GLI3: variants seen among roughly 807,000 people sequenced by gnomAD.
The protein encoded by GLI3 is GLI family zinc finger 3.
A neutral mutation model predicts 100.8 loss-of-function variants in GLI3; 20 were observed. That is an observed-to-expected ratio of 0.20 (90% CI 0.14 to 0.29). GLI3 has a LOEUF of 0.29. GLI3 is among the 10% of genes least tolerant of loss of function. The pLI is 1.00. For synonymous variants in GLI3, 938 were observed against 860.5 expected, an observed-to-expected ratio of 1.09 and a Z score of -1.58; for missense variants, 2,040 against 2,128.5, an observed-to-expected ratio of 0.96 and a Z score of 0.82.
chr7:42,058,229 A>C (rs1215394376), intron 4 of GLI3, among the ~76,000 whole-genome samples: 1 of 152,206 alleles, frequency 6.6e-6, no homozygotes. Context: ...TAGGATAGTC[A>C]GGATAATGTT....
intron 7 of GLI3, among the ~76,000 whole-genome samples, chr7:42,038,308 T>C (rs1372757568): frequency 6.6e-6 from 1 of 152,212 alleles, no homozygotes; most frequent in Non-Finnish European, 1.5e-5. Context: ...GCTCCTCTCC[T>C]GGATGAACCA....
At chr7:42,076,164 G>T (rs939397337) in intron 4 of GLI3, among the ~76,000 whole-genome samples, 2 of 152,170 alleles carry the variant, frequency 1.3e-5, no homozygotes. Context: ...AAGGAAGATG[G>T]TATTTACTTC....
rs932664719 is a variant in GLI3, at chr7:41,990,337, T to C, written c.1498-11589A>G. On this transcript the variant is annotated intron_variant, in intron 10 of 14. Coordinates refer to ENST00000395925, the MANE Select transcript of GLI3 (RefSeq NM_000168.6). ...GCAATCCACATGAAGCCTAAGCATA[T>C]AGGTATTACTAGTAAAGGATCTGAA... is the stretch of plus-strand genomic sequence containing the variant. Among the ~76,000 whole-genome samples the C allele has an allele frequency of 2.6e-5, 4 of 152,120 alleles. No homozygotes were observed. The East Asian group carries it at 5.8e-4, about 22-fold the overall frequency.
chr7:42,112,713 T>A (rs1785743828), intron 3 of GLI3, among the ~76,000 whole-genome samples: 1 of 152,174 alleles, frequency 6.6e-6, no homozygotes, highest in African/African-American at 2.4e-5. Context: ...TGACATTTAC[T>A]GAATGTCAGA....
intron 2 of GLI3, among the ~76,000 whole-genome samples, chr7:42,214,492 G>T (rs1788334137): frequency 6.7e-6 from 1 of 148,534 alleles, no homozygotes; most frequent in South Asian, 2.1e-4. Context: ...AAGAGACCAG[G>T]AAGAGGAAAG....
chr7:42,209,232 G>C (rs1327656930), intron 2 of GLI3, among the ~76,000 whole-genome samples: 1 of 151,826 alleles, frequency 6.6e-6, no homozygotes, highest in Non-Finnish European at 1.5e-5. Context: ...TAATTTTTTT[G>C]TAGAGACAGG....
At chr7:42,053,812 C>T (rs1784399230) in intron 4 of GLI3, among the ~76,000 whole-genome samples, 2 of 152,200 alleles carry the variant, frequency 1.3e-5, no homozygotes, top group Non-Finnish European at 2.9e-5. Flanking sequence ...ACATTCCATG[C>T]TATTTATGTT....
intron 4 of GLI3, among the ~76,000 whole-genome samples, chr7:42,051,619 G>A (rs759119417): frequency 5.9e-5 from 9 of 152,162 alleles, no homozygotes; most frequent in Non-Finnish European, 1.2e-4. Flanking sequence ...AGTAGGGGTA[G>A]CAAATGCAAC....
At chr7:42,193,315 G>T (rs1462740292) in intron 2 of GLI3, among the ~76,000 whole-genome samples, 1 of 151,994 alleles carries the variant, frequency 6.6e-6, no homozygotes, top group Admixed American at 6.6e-5. Context: ...TTCAAAAGGG[G>T]TTTAAAAAAA....
chr7:42,261,478 G>T (rs1000869674), intron 1 of GLI3, among the ~76,000 whole-genome samples: 2 of 151,988 alleles, frequency 1.3e-5, no homozygotes, highest in Non-Finnish European at 2.9e-5. Flanking sequence ...TCCACTAACC[G>T]TTCACTGTAT....
intron 1 of GLI3, among the ~76,000 whole-genome samples, chr7:42,263,319 A>T (rs775913908): frequency 5.9e-5 from 9 of 152,204 alleles, no homozygotes; most frequent in Non-Finnish European, 1.2e-4. Flanking sequence ...TTATGTGCCT[A>T]TGTTAACTAA....
At chr7:42,206,931 C>T (rs529315679) in intron 2 of GLI3, among the ~76,000 whole-genome samples, 17 of 152,202 alleles carry the variant, frequency 1.1e-4, no homozygotes, top group Admixed American at 7.8e-4. Context: ...GATATCCAAA[C>T]GGCCGATAAA....
intron 13 of GLI3, among the ~76,000 whole-genome samples, chr7:41,969,078 A>C (rs973751666): frequency 2.0e-5 from 3 of 152,194 alleles, no homozygotes; most frequent in Non-Finnish European, 4.4e-5. Context: ...AATGCACAGG[A>C]CAGTCACACA....
chr7:41,984,346 T>A (rs113857679), intron 10 of GLI3, among the ~76,000 whole-genome samples: 3,374 of 152,298 alleles, frequency 0.022, 52 homozygotes, highest in Admixed American at 0.037. Context: ...GCTCTCCAAA[T>A]AAAGCCGCCG....
intron 10 of GLI3, among the ~76,000 whole-genome samples, chr7:41,988,205 T>C (rs2128716743): frequency 6.6e-6 from 1 of 152,250 alleles, no homozygotes; most frequent in Non-Finnish European, 1.5e-5. Flanking sequence ...CTCACGCCTG[T>C]AATCCTAGCA....
At chr7:42,171,196 T>TCA (rs1274403500) in intron 2 of GLI3, among the ~76,000 whole-genome samples, 2 of 152,226 alleles carry the variant, frequency 1.3e-5, no homozygotes, top group Non-Finnish European at 2.9e-5. Flanking sequence ...GAAGTCTGTA[T>TCA]GAGATGTGAT....
intron 5 of GLI3, among the ~76,000 whole-genome samples, chr7:42,046,876 C>T (rs765233191): frequency 1.3e-5 from 2 of 152,160 alleles, no homozygotes; most frequent in Non-Finnish European, 2.9e-5. Context: ...TGAATCTTGG[C>T]CAGGCACAGT....
Position 41,978,880 on chromosome 7 carries a change from C to T in GLI3, c.1498-132G>A, listed in dbSNP as rs1787580573. On this transcript the variant is annotated intron_variant, in intron 10 of 14. Coordinates refer to ENST00000395925, the MANE Select transcript of GLI3 (RefSeq NM_000168.6). ...CCACAAGAATAACTTTACCATATTA[C>T]AGATTATAAAAATTCCAGTTAGTAC... is the stretch of plus-strand genomic sequence containing the variant. 3.7e-6 allele frequency: 3 copies of T among 819,296 alleles called. No individual in the cohort carries two copies. In the South Asian group the frequency reaches 5.0e-5, roughly 14 times the overall value. 50.8% of individuals were successfully genotyped at this position (819,296 alleles called of 1,614,324 possible).
chr7:42,161,861 T>C (rs1382037405), intron 2 of GLI3, among the ~76,000 whole-genome samples: 2 of 152,032 alleles, frequency 1.3e-5, no homozygotes, highest in East Asian at 1.9e-4. Context: ...TCTGAGGGAG[T>C]GTTTCCACCT....
Sources: gnomAD v4.1 joint callset for allele counts (sites outside exome capture counted in the v4.1 genomes callset) on GRCh38, gnomAD v4.1.1 for gene constraint, MANE v1.5 for transcripts, NCBI Gene and HGNC (gene_info 2026-07-23, HGNC 2026-07-21) for gene names.